The following TCF12 variants were observed in gnomAD, a reference collection of about 807,000 sequenced individuals.
TCF12 encodes the protein DNA-binding protein HTF4.
In TCF12, 45 loss-of-function variants were observed where a neutral mutation model predicts 86.0. The ratio of observed to expected loss-of-function variants is 0.52; its 90% CI spans 0.41 to 0.67. TCF12 has a LOEUF of 0.67. TCF12 is among the 30% of genes least tolerant of loss of function. The pLI is 0.00. For missense variants in TCF12, 881 were observed against 859.9 expected, an observed-to-expected ratio of 1.02 and a Z score of -0.31; for synonymous variants, 330 against 299.6, an observed-to-expected ratio of 1.10 and a Z score of -1.05.
chr15:57,111,250 A>T (rs12438244), intron 5 of TCF12, among the ~76,000 whole-genome samples: 1 of 152,086 alleles, frequency 6.6e-6, no homozygotes, highest in African/African-American at 2.4e-5. Flanking sequence ...TCCAGATCCC[A>T]GTGAGTTTCA....
At chr15:57,241,870 G>A (rs1448622240) in intron 12 of TCF12, among the ~76,000 whole-genome samples, 3 of 152,122 alleles carry the variant, frequency 2.0e-5, no homozygotes, top group African/African-American at 7.2e-5. Flanking sequence ...GCACGCGGCT[G>A]TAGTGCTAAC....
intron 3 of TCF12, among the ~76,000 whole-genome samples, chr15:56,977,864 CTGCT>C (rs2062689790): frequency 6.6e-6 from 1 of 152,126 alleles, no homozygotes; most frequent in African/African-American, 2.4e-5. Context: ...TAAAAACAGA[CTGCT>C]TGACTTCATC....
At chr15:57,092,119 G>T (rs1484954575) in intron 5 of TCF12, 2 of 388,938 alleles carry the variant, frequency 5.1e-6, no homozygotes, top group South Asian at 5.6e-5. Flanking sequence ...AGAAGTGGCA[G>T]TGTTTTGATT....
intron 3 of TCF12, among the ~76,000 whole-genome samples, chr15:56,961,695 A>G: frequency 6.6e-6 from 1 of 152,216 alleles, no homozygotes; most frequent in Non-Finnish European, 1.5e-5. Context: ...CTCATACAGC[A>G]TGGTAAAAAA....
chr15:56,940,482 C>T (rs2060686963), intron 3 of TCF12, among the ~76,000 whole-genome samples: 1 of 86,672 alleles, frequency 1.2e-5, no homozygotes, highest in Non-Finnish European at 2.5e-5. Context: ...TCTTCTTCTC[C>T]TCCTCCTCCT....
chr15:57,103,641 A>T (rs2049914129), intron 5 of TCF12, among the ~76,000 whole-genome samples: 1 of 152,258 alleles, frequency 6.6e-6, no homozygotes, highest in Non-Finnish European at 1.5e-5. Context: ...AAAGATGTGT[A>T]TGCAAGAATG....
intron 4 of TCF12, among the ~76,000 whole-genome samples, chr15:57,080,933 T>A (rs1430885090): frequency 2.0e-5 from 3 of 152,226 alleles, no homozygotes; most frequent in African/African-American, 7.2e-5. Context: ...AGAAGACTAC[T>A]GTACCTATTC....
intron 8 of TCF12, 128 bp downstream of exon 8, chr15:57,197,953 T>G (rs569612090): frequency 1.1e-6 from 1 of 881,676 alleles, no homozygotes; most frequent in Non-Finnish European, 1.8e-6. Context: ...GTTCAGTGCT[T>G]AACAAAATCA....
intron 3 of TCF12, among the ~76,000 whole-genome samples, chr15:56,960,611 G>A (rs1333063703): frequency 2.0e-5 from 3 of 151,652 alleles, no homozygotes; most frequent in Non-Finnish European, 4.4e-5. Context: ...TGTATTTTTA[G>A]TAGAGATGGG....
intron 3 of TCF12, among the ~76,000 whole-genome samples, chr15:57,048,057 A>G (rs902557709): frequency 6.6e-6 from 1 of 152,218 alleles, no homozygotes. Flanking sequence ...TATGCCTTCC[A>G]TAGTTGTTAT....
At chr15:57,004,269 T>C (rs1487829607) in intron 3 of TCF12, among the ~76,000 whole-genome samples, 2 of 151,840 alleles carry the variant, frequency 1.3e-5, no homozygotes, top group African/African-American at 4.8e-5. Flanking sequence ...GTTTTGCTCT[T>C]GTAGCCCAGG....
chr15:56,934,068 A>T (rs1252598130), intron 3 of TCF12, among the ~76,000 whole-genome samples: 1 of 152,116 alleles, frequency 6.6e-6, no homozygotes, highest in Admixed American at 6.6e-5. Context: ...TTGAAGCACT[A>T]AAGTAAAATA....
chr15:57,017,684 T>C (rs1053398593), intron 3 of TCF12, among the ~76,000 whole-genome samples: 3 of 151,760 alleles, frequency 2.0e-5, no homozygotes, highest in South Asian at 4.2e-4. Context: ...CCAGTTAAAC[T>C]GTAAGCAACC....
At chr15:57,227,100 T>G (rs2058921938) in intron 8 of TCF12, among the ~76,000 whole-genome samples, 1 of 152,158 alleles carries the variant, frequency 6.6e-6, no homozygotes, top group South Asian at 2.1e-4. Flanking sequence ...TTAAAAAGTA[T>G]CAGCCACCAC....
intron 3 of TCF12, among the ~76,000 whole-genome samples, chr15:56,984,842 A>G (rs1283336100): frequency 1.3e-5 from 2 of 152,204 alleles, no homozygotes; most frequent in African/African-American, 4.8e-5. Context: ...GAAAAGTCCC[A>G]TAAGATCTCA....
At chr15:57,175,666 C>T (rs2055858842) in intron 6 of TCF12, among the ~76,000 whole-genome samples, 1 of 152,138 alleles carries the variant, frequency 6.6e-6, no homozygotes, top group South Asian at 2.1e-4. Context: ...ATATTTAGAA[C>T]AAGAAAGTTG....
intron 3 of TCF12, among the ~76,000 whole-genome samples, chr15:56,929,291 A>T (rs1181763327): frequency 6.6e-6 from 1 of 152,168 alleles, no homozygotes; most frequent in African/African-American, 2.4e-5. Flanking sequence ...GCCTGTAAAA[A>T]GGGATCATTA....
intron 3 of TCF12, among the ~76,000 whole-genome samples, chr15:57,014,740 G>A (rs1029875530): frequency 6.6e-6 from 1 of 151,966 alleles, no homozygotes; most frequent in Non-Finnish European, 1.5e-5. Flanking sequence ...TCTTCTGCAG[G>A]GTTGACAGTC....
At chr15:57,024,987 T>G (rs2065733670) in intron 3 of TCF12, among the ~76,000 whole-genome samples, 1 of 152,228 alleles carries the variant, frequency 6.6e-6, no homozygotes, top group African/African-American at 2.4e-5. Flanking sequence ...TAATCTGCTT[T>G]TGAAATTATG....
Sources: gnomAD v4.1 joint callset for allele counts (sites outside exome capture counted in the v4.1 genomes callset) on GRCh38, gnomAD v4.1.1 for gene constraint, MANE v1.5 for transcripts, NCBI Gene and HGNC (gene_info 2026-07-23, HGNC 2026-07-21) for gene names.